Variants in AGMO observed in about 807,000 individuals in gnomAD.
The protein encoded by AGMO is glyceryl-ether monooxygenase.
AGMO carries 75 observed loss-of-function variants against 60.2 expected under a neutral mutation model. The ratio of observed to expected loss-of-function variants is 1.25; its 90% CI spans 1.03 to 1.51. AGMO has a LOEUF of 1.51. Ranked by LOEUF, AGMO falls within the 40% of genes most tolerant of loss-of-function variation. The probability of loss-of-function intolerance (pLI) is 0.00; values close to 1 mark genes in which losing one functional copy is unlikely to be tolerated. For missense variants in AGMO, 763 were observed against 525.5 expected, an observed-to-expected ratio of 1.45 and a Z score of -4.42; for synonymous variants, 261 against 177.1, an observed-to-expected ratio of 1.47 and a Z score of -3.76.
chr7:15,229,717 ATT>A (rs1563045040), intron 12 of AGMO, among the ~76,000 whole-genome samples: 10 of 121,654 alleles, frequency 8.2e-5, no homozygotes, highest in African/African-American at 3.3e-4. Context: ...TATATATTAT[ATT>A]ATATATAAAT....
chr7:15,227,883 A>G (rs1782137606), intron 12 of AGMO, among the ~76,000 whole-genome samples: 1 of 152,102 alleles, frequency 6.6e-6, no homozygotes, highest in African/African-American at 2.4e-5. Flanking sequence ...TTGTAGGTCA[A>G]CTTAGAATAC....
chr7:15,179,996 G>C, the AGMO span, among the ~76,000 whole-genome samples: 2 of 152,076 alleles, frequency 1.3e-5, no homozygotes, highest in South Asian at 4.1e-4. Context: ...CATTCTCTGG[G>C]GGCATATCCC....
intron 3 of AGMO, among the ~76,000 whole-genome samples, chr7:15,487,711 AC>A (rs1782957992): frequency 6.6e-6 from 1 of 152,140 alleles, no homozygotes; most frequent in Non-Finnish European, 1.5e-5. Flanking sequence ...TTACAATCAA[AC>A]CATTTTGCCA....
At chr7:15,382,344 G>A (rs182378670) in intron 10 of AGMO, among the ~76,000 whole-genome samples, 9 of 152,104 alleles carry the variant, frequency 5.9e-5, no homozygotes, top group African/African-American at 2.2e-4. Flanking sequence ...AGGTATATAC[G>A]AGGAATGTGC....
chr7:15,353,367 A>C (rs1054146676), intron 12 of AGMO, among the ~76,000 whole-genome samples: 2 of 152,158 alleles, frequency 1.3e-5, no homozygotes, highest in African/African-American at 4.8e-5. Context: ...TTATCCAAAC[A>C]ATCTAATTAA....
At chr7:15,401,595 A>T (rs1167618722) in intron 5 of AGMO, among the ~76,000 whole-genome samples, 1 of 152,140 alleles carries the variant, frequency 6.6e-6, no homozygotes, top group Non-Finnish European at 1.5e-5. Context: ...TGGATACTAA[A>T]ATACTAGAAT....
intron 10 of AGMO, among the ~76,000 whole-genome samples, chr7:15,370,038 A>T (rs1783140891): frequency 6.6e-6 from 1 of 152,118 alleles, no homozygotes; most frequent in Admixed American, 6.6e-5. Context: ...CCCAACAATT[A>T]GTTTTCCAAC....
chr7:15,505,753 A>C, intron 3 of AGMO, among the ~76,000 whole-genome samples: 1 of 152,056 alleles, frequency 6.6e-6, no homozygotes, highest in East Asian at 1.9e-4. Flanking sequence ...GTTTCTTCAT[A>C]ATTTTTGAAA....
intron 3 of AGMO, among the ~76,000 whole-genome samples, chr7:15,432,962 C>T (rs1583547353): frequency 6.6e-6 from 1 of 152,098 alleles, no homozygotes; most frequent in East Asian, 1.9e-4. Flanking sequence ...AGTTTAAAAA[C>T]CGCTTACAGA....
At chr7:15,405,175 T>C (rs1784654871) in intron 5 of AGMO, among the ~76,000 whole-genome samples, 1 of 151,842 alleles carries the variant, frequency 6.6e-6, no homozygotes, top group African/African-American at 2.4e-5. Context: ...GACTCAGGTC[T>C]TTCCTATGAG....
intron 3 of AGMO, among the ~76,000 whole-genome samples, chr7:15,463,290 G>A (rs1042695841): frequency 6.6e-6 from 1 of 152,100 alleles, no homozygotes; most frequent in Non-Finnish European, 1.5e-5. Context: ...TTTACTGGAA[G>A]CAGTGAAAAC....
the AGMO span, among the ~76,000 whole-genome samples, chr7:15,126,203 T>A: frequency 5.9e-5 from 9 of 152,240 alleles, no homozygotes; most frequent in East Asian, 3.9e-4. Flanking sequence ...TATATTTTCA[T>A]AAAAAATACT....
chr7:15,131,819 A>G, the AGMO span, among the ~76,000 whole-genome samples: 1 of 151,634 alleles, frequency 6.6e-6, no homozygotes, highest in South Asian at 2.1e-4. Context: ...CCTGGCACAC[A>G]TGGAAGCCAA....
intron 12 of AGMO, among the ~76,000 whole-genome samples, chr7:15,292,509 T>C (rs915480190): frequency 2.0e-5 from 3 of 152,196 alleles, no homozygotes; most frequent in African/African-American, 4.8e-5. Context: ...TGAGGACGAC[T>C]AGTACTGTGA....
chr7:15,492,150 G>C (rs1263130776), intron 3 of AGMO, among the ~76,000 whole-genome samples: 1 of 152,224 alleles, frequency 6.6e-6, no homozygotes, highest in African/African-American at 2.4e-5. Flanking sequence ...AGGGAGATAT[G>C]TTTTTTAATT....
intron 12 of AGMO, among the ~76,000 whole-genome samples, chr7:15,246,675 A>T (rs887894677): frequency 2.6e-5 from 4 of 152,056 alleles, no homozygotes; most frequent in Non-Finnish European, 5.9e-5. Context: ...TTCCTTCATA[A>T]TATACATGGA....
At chr7:15,234,634 T>C (rs1428401429) in intron 12 of AGMO, among the ~76,000 whole-genome samples, 4 of 152,208 alleles carry the variant, frequency 2.6e-5, no homozygotes, top group African/African-American at 9.6e-5. Context: ...GAACAGCTAG[T>C]AAATATTTCA....
chr7:15,147,102 T>C, the AGMO span, among the ~76,000 whole-genome samples: 126 of 152,224 alleles, frequency 8.3e-4, no homozygotes, highest in South Asian at 2.7e-3. Context: ...TTGCTTGGCC[T>C]TCTCTGGGGT....
At chr7:15,436,530 G>T (rs1362247364) in intron 3 of AGMO, among the ~76,000 whole-genome samples, 2 of 152,078 alleles carry the variant, frequency 1.3e-5, no homozygotes, top group Admixed American at 6.5e-5. Flanking sequence ...TGTTGCATTT[G>T]TGATTAAGTT....
Sources: allele counts gnomAD v4.1 joint callset (sites outside exome capture counted in the v4.1 genomes callset), GRCh38; gene constraint gnomAD v4.1.1; transcripts MANE v1.5; gene names NCBI Gene and HGNC (gene_info 2026-07-23, HGNC 2026-07-21).